Variants in SLCO3A1 observed in about 807,000 individuals in gnomAD.
SLCO3A1 encodes the protein solute carrier organic anion transporter family member 3A1, also known as PGE1 transporter.
A neutral mutation model predicts 63.1 loss-of-function variants in SLCO3A1; 27 were observed. The observed-to-expected ratio is 0.43, with a 90% confidence interval of 0.32 to 0.59. The LOEUF (loss-of-function observed/expected upper bound fraction) is 0.59. SLCO3A1 is among the 20% of genes least tolerant of loss of function. The pLI is 0.09. For missense variants in SLCO3A1, 773 were observed against 945.8 expected, an observed-to-expected ratio of 0.82 and a Z score of 2.40; for synonymous variants, 473 against 409.9, an observed-to-expected ratio of 1.15 and a Z score of -1.86.
chr15:91,939,471 C>T (rs1425934917), intron 2 of SLCO3A1, among the ~76,000 whole-genome samples: 1 of 152,158 alleles, frequency 6.6e-6, no homozygotes, highest in Non-Finnish European at 1.5e-5. Flanking sequence ...CAGCAGGAGC[C>T]TCCACCTCCC....
At chr15:91,936,616 G>A (rs1398277157) in intron 2 of SLCO3A1, among the ~76,000 whole-genome samples, 6 of 152,166 alleles carry the variant, frequency 3.9e-5, no homozygotes, top group East Asian at 1.9e-4. Context: ...AATGCATGTC[G>A]TGCGGCTTAC....
Position 91,886,037 on chromosome 15 carries a change from C to A in SLCO3A1, c.181-29956C>A, listed in dbSNP as rs4932513. ...TGGGTGGAAGACCAGACCCGGCAGGCCCCTGTGAGCCACAGGGAGGCAGAG... is the reference window on the plus strand; with the variant it reads ...TGGGTGGAAGACCAGACCCGGCAGGACCCTGTGAGCCACAGGGAGGCAGAG... On this transcript the variant is annotated intron_variant, in intron 1 of 9. Transcript: ENST00000318445. The surrounding 1 kb of genome is among the most constrained non-coding windows in gnomAD (Gnocchi z 4.9). Among the ~76,000 whole-genome samples, 85,300 of 151,818 alleles carry A rather than the reference C, an allele frequency of 0.56. 27,014 individuals carry two copies. The highest frequency in any genetic ancestry group is 0.85 in the East Asian group (4,343 of 5,130).
In SLCO3A1 at chr15:91,882,610, G is replaced by A. The variant is rs1185164207; in HGVS notation, c.180+28522G>A. On this transcript the variant is annotated intron_variant, in intron 1 of 9. Coordinates refer to ENST00000318445, the MANE Select transcript of SLCO3A1 (RefSeq NM_013272.4). This position sits in a 1 kb window ranked among gnomAD's most constrained non-coding sequence, Gnocchi z 4.4. ...GCTCACTGCAACCTCCGCCTCCCGGGTTCAAGCGATTCTCTTGCTTCAGCC... is the reference window on the plus strand; with the variant it reads ...GCTCACTGCAACCTCCGCCTCCCGGATTCAAGCGATTCTCTTGCTTCAGCC... Among the ~76,000 whole-genome samples the A allele has an allele frequency of 6.6e-6, 1 of 152,046 alleles. No individual in the cohort carries two copies. The highest frequency in any genetic ancestry group is 2.4e-5 in the African/African-American group (1 of 41,384).
In SLCO3A1 at chr15:92,016,263, TA is replaced by T. The variant is rs1567068126; in HGVS notation, c.647-78617del. Among the ~76,000 whole-genome samples, 6 of 109,394 alleles carry T rather than the reference TA, an allele frequency of 5.5e-5. No homozygotes were observed. In the East Asian group the frequency reaches 1.8e-3, roughly 33 times the overall value. 71.8% of individuals were successfully genotyped at this position (109,394 alleles called of 152,430 possible). ...TAGATAGATAGATAGATTAGATAGA[TA>T]GATAGATAGATAGATAGATGTTATA... On this transcript the variant is annotated intron_variant, in intron 2 of 9. Transcript: ENST00000318445.
chr15:91,962,586 A>G (rs1170864978), intron 2 of SLCO3A1, among the ~76,000 whole-genome samples: 1 of 150,086 alleles, frequency 6.7e-6, no homozygotes, highest in South Asian at 2.1e-4. Context: ...CTTGGTGCTG[A>G]GGAGGGAAGT....
chr15:91,872,376 C>CA lies in SLCO3A1; in HGVS notation c.180+18295dup, dbSNP rs1175178483. 6.6e-6 allele frequency among the ~76,000 whole-genome samples: 1 copy of CA among 151,764 alleles called. No individual in the cohort carries two copies. Among genetic ancestry groups the CA allele is most frequent in the African/African-American group, 2.4e-5 (1 of 41,312 alleles). On this transcript the variant is annotated intron_variant, in intron 1 of 9. Transcript: ENST00000318445. This position sits in a 1 kb window ranked among gnomAD's most constrained non-coding sequence, Gnocchi z 4.1. ...TGAAACCCCTTCTCTACTAAAAATA[C>CA]AAAAAAATAGCCGGGCATGGTGGCA...
intron 2 of SLCO3A1, among the ~76,000 whole-genome samples, chr15:92,035,826 G>T (rs1007903495): frequency 6.6e-6 from 1 of 151,820 alleles, no homozygotes; most frequent in Non-Finnish European, 1.5e-5. Context: ...TGTTTGCAGA[G>T]CCTGTGGCTT....
At chr15:92,079,370 C>G (rs552114799) in intron 2 of SLCO3A1, among the ~76,000 whole-genome samples, 1 of 152,212 alleles carries the variant, frequency 6.6e-6, no homozygotes, top group Non-Finnish European at 1.5e-5. Context: ...ACAACAGACA[C>G]TCATTTTCTT....
chr15:91,908,434 TTC>T (rs1273695494), intron 1 of SLCO3A1: 2 of 152,162 alleles, frequency 1.3e-5, no homozygotes, highest in African/African-American at 4.8e-5. Context: ...GAGGTGGGTG[TTC>T]TCTTTGCCAC....
chr15:92,067,579 G>A (rs2047166644), intron 2 of SLCO3A1, among the ~76,000 whole-genome samples: 1 of 152,150 alleles, frequency 6.6e-6, no homozygotes, highest in African/African-American at 2.4e-5. Flanking sequence ...CATTAACCTG[G>A]TGTCAAGTGT....
rs1396294993 is a variant in SLCO3A1, at chr15:91,883,001, G to A, written c.180+28913G>A. On this transcript the variant is annotated intron_variant, in intron 1 of 9. Coordinates refer to ENST00000318445, the MANE Select transcript of SLCO3A1 (RefSeq NM_013272.4). The surrounding 1 kb of genome is among the most constrained non-coding windows in gnomAD (Gnocchi z 4.8). Reference sequence around the variant, plus strand: ...CAGTGAGTAAGGGAATGACAGATGGGACAGCAGCCACCATGCAAGCCAGGC... The same window carrying A: ...CAGTGAGTAAGGGAATGACAGATGGAACAGCAGCCACCATGCAAGCCAGGC... Among the ~76,000 whole-genome samples, 1 of 152,174 alleles carries A rather than the reference G, an allele frequency of 6.6e-6. No individual in the cohort carries two copies. Among genetic ancestry groups the A allele is most frequent in the Non-Finnish European group, 1.5e-5 (1 of 68,034 alleles).
intron 2 of SLCO3A1, among the ~76,000 whole-genome samples, chr15:91,955,565 T>G (rs1900144718): frequency 6.6e-6 from 1 of 152,128 alleles, no homozygotes; most frequent in Admixed American, 6.5e-5. Flanking sequence ...ACTCCTGACC[T>G]CAGGTAATCC....
chr15:91,979,825 A>C (rs941414665), intron 2 of SLCO3A1, among the ~76,000 whole-genome samples: 3 of 152,194 alleles, frequency 2.0e-5, no homozygotes, highest in African/African-American at 7.2e-5. Context: ...GGTAGCATCT[A>C]TTATTGTCAT....
At chr15:92,022,046 G>A (rs1433941971) in intron 2 of SLCO3A1, among the ~76,000 whole-genome samples, 2 of 152,110 alleles carry the variant, frequency 1.3e-5, no homozygotes, top group Non-Finnish European at 2.9e-5. Flanking sequence ...TAGTGATGAG[G>A]CAGGAAATCC....
rs1289843450 is a variant in SLCO3A1, at chr15:91,920,008, T to C, written c.646+3550T>C. The stretch of plus-strand genomic sequence containing the variant: ...TAATTTCATTTCTCTTACTATTTCA[T>C]GAGCATTTGTTTGTTACTATTCTAT... On this transcript the variant is annotated intron_variant, in intron 2 of 9. Coordinates refer to ENST00000318445, the MANE Select transcript of SLCO3A1 (RefSeq NM_013272.4). 2.6e-5 allele frequency among the ~76,000 whole-genome samples: 4 copies of C among 152,394 alleles called. No homozygotes were observed. In the East Asian group the frequency reaches 7.7e-4, roughly 29 times the overall value.
Position 91,954,925 on chromosome 15 carries a change from G to T in SLCO3A1, c.646+38467G>T, listed in dbSNP as rs561995585. ...ATTCCTAGGAATTAGGCCCTTCTTG[G>T]CTCTGTGCCCTGAGCCATGTTCTCC... On this transcript the variant is annotated intron_variant, in intron 2 of 9. Transcript: ENST00000318445. This position sits in a 1 kb window ranked among gnomAD's most constrained non-coding sequence, Gnocchi z 4.7. 2.0e-5 allele frequency among the ~76,000 whole-genome samples: 3 copies of T among 152,196 alleles called. No homozygotes were observed. The South Asian group carries it at 6.2e-4, about 32-fold the overall frequency.
intron 2 of SLCO3A1, among the ~76,000 whole-genome samples, chr15:92,046,366 G>GA (rs113003424): frequency 2.3e-3 from 329 of 143,072 alleles, no homozygotes; most frequent in South Asian, 6.5e-3. Flanking sequence ...AATACCAAAA[G>GA]AAAAAAAAAA....
chr15:92,049,576 G>T (rs1316111867), intron 2 of SLCO3A1, among the ~76,000 whole-genome samples: 1 of 152,194 alleles, frequency 6.6e-6, no homozygotes, highest in African/African-American at 2.4e-5. Flanking sequence ...CACTGGAGAT[G>T]TGGGCAGACA....
chr15:92,036,579 A>AT (rs959499153), intron 2 of SLCO3A1, among the ~76,000 whole-genome samples: 37 of 151,716 alleles, frequency 2.4e-4, no homozygotes, highest in African/African-American at 8.0e-4. Context: ...AAGCCACAGT[A>AT]TTTTTTTTAT....
Sources: gnomAD v4.1 joint callset for allele counts (sites outside exome capture counted in the v4.1 genomes callset) on GRCh38, gnomAD v4.1.1 for gene constraint, Gnocchi (gnomAD v3.1) non-coding constraint, MANE v1.5 for transcripts, NCBI Gene and HGNC (gene_info 2026-07-23, HGNC 2026-07-21) for gene names.